The following ABCA13 variants were observed in gnomAD, a reference collection of about 807,000 sequenced individuals.
ABCA13 encodes ATP-binding cassette sub-family A member 13.
ABCA13 carries 476 observed loss-of-function variants against 478.7 expected under a neutral mutation model. The ratio of observed to expected loss-of-function variants is 0.99; its 90% CI spans 0.92 to 1.07. The LOEUF (loss-of-function observed/expected upper bound fraction) is 1.07. Ranked by LOEUF, ABCA13 falls within the 50% of genes least tolerant of loss-of-function variation. The pLI is 0.00. For synonymous variants in ABCA13, 2,252 were observed against 2,158.9 expected (o/e 1.04, Z -1.20); for missense variants, 6,060 against 5,910.6 (o/e 1.03, Z -0.83).
intron 35 of ABCA13, among the ~76,000 whole-genome samples, chr7:48,382,179 G>A (rs1240148247): frequency 6.6e-6 from 1 of 152,142 alleles, no homozygotes; most frequent in Admixed American, 6.5e-5. Context: ...CTTACAGCGA[G>A]TTACAGTGCC....
At chr7:48,360,709 A>G (rs1197210543) in intron 31 of ABCA13, among the ~76,000 whole-genome samples, 6 of 152,054 alleles carry the variant, frequency 3.9e-5, no homozygotes, top group Admixed American at 3.9e-4. Flanking sequence ...CAAACTAGAA[A>G]TCGCAAAGTC....
chr7:48,281,569 C>A, intron 19 of ABCA13, 117 bp downstream of exon 19: 1 of 908,448 alleles, frequency 1.1e-6, no homozygotes, highest in Non-Finnish European at 1.6e-6. Flanking sequence ...GCACAGCTGT[C>A]TTAGTCTGGC....
At chr7:48,458,888 C>G (rs1165610144) in intron 43 of ABCA13, among the ~76,000 whole-genome samples, 1 of 152,140 alleles carries the variant, frequency 6.6e-6, no homozygotes, top group South Asian at 2.1e-4. Flanking sequence ...TGTAAAGATG[C>G]TTGTTTTGTA....
intron 24 of ABCA13, among the ~76,000 whole-genome samples, chr7:48,311,726 C>A (rs1033931315): frequency 6.6e-6 from 1 of 152,130 alleles, no homozygotes; most frequent in African/African-American, 2.4e-5. Context: ...ATGAAGGGCT[C>A]TATGAAAGTT....
chr7:48,472,813 C>T (rs746724258), intron 45 of ABCA13, among the ~76,000 whole-genome samples: 11 of 152,132 alleles, frequency 7.2e-5, no homozygotes, highest in Non-Finnish European at 1.2e-4. Context: ...ACATGCAGGT[C>T]CTTAGCCTAA....
intron 7 of ABCA13, among the ~76,000 whole-genome samples, chr7:48,231,629 T>C (rs1789091531): frequency 6.6e-6 from 1 of 152,004 alleles, no homozygotes; most frequent in African/African-American, 2.4e-5. Flanking sequence ...CATCAGCCAC[T>C]TTCTCCTGAG....
chr7:48,505,035 A>T (rs1327170690), intron 48 of ABCA13, among the ~76,000 whole-genome samples: 1 of 152,182 alleles, frequency 6.6e-6, no homozygotes, highest in African/African-American at 2.4e-5. Flanking sequence ...AGGATCCAGG[A>T]AGCGATGCAG....
intron 19 of ABCA13, among the ~76,000 whole-genome samples, chr7:48,286,335 C>G (rs1014092714): frequency 1.3e-5 from 2 of 152,174 alleles, no homozygotes; most frequent in African/African-American, 4.8e-5. Context: ...CCATTCATCT[C>G]TCCCACCCCT....
chr7:48,324,887 T>C lies in ABCA13; in HGVS notation c.9999+7591T>C, dbSNP rs1203812606. On this transcript the variant is annotated intron_variant, in intron 27 of 61. Transcript: ENST00000435803. The stretch of plus-strand genomic sequence containing the variant: ...CAGTGTTTGCTTGTAAAAAGCTTGT[T>C]AAGCTGCATTTATGTATGAAGATTT... Among the ~76,000 whole-genome samples the C allele has an allele frequency of 2.0e-5, 3 of 152,238 alleles. No individual in the cohort carries two copies. The East Asian group carries it at 5.8e-4, about 29-fold the overall frequency.
chr7:48,390,608 C>T (rs913585621), intron 37 of ABCA13, among the ~76,000 whole-genome samples: 3 of 152,210 alleles, frequency 2.0e-5, no homozygotes, highest in African/African-American at 4.8e-5. Context: ...GTTTCCTGTG[C>T]TCTCCTTTGA....
chr7:48,528,246 T>C lies in ABCA13; in HGVS notation c.14255T>C (p.Leu4752Pro), dbSNP rs1316292701. 1 of 1,573,808 alleles carries C rather than the reference T, an allele frequency of 6.4e-7. No homozygotes were observed. The highest frequency in any genetic ancestry group is 1.3e-5 in the African/African-American group (1 of 74,290). The stretch of plus-strand genomic sequence containing the variant: ...TTTGTTTCCTCTTAGTGCTTTGGAC[T>C]TCTAGGGGTGAATGGAGCTGGGAAG... ...LGIPKGECFG[L>P]LGVNGAGKST... The change falls in exon 55 of 62, where the codon CTT becomes CCT. Residue 4752 changes from leucine (L) to proline (P), a missense_variant. Physicochemically the swap from Leu to Pro is moderately conservative, Grantham distance 98. This residue lies in a region of ABCA13 where 1,627 missense variants were observed against 1,571.0 expected (regional missense o/e 1.04). Coordinates refer to ENST00000435803, the MANE Select transcript of ABCA13 (RefSeq NM_152701.5).
Position 48,309,965 on chromosome 7 carries a change from A to G in ABCA13, c.9340A>G (p.Thr3114Ala). 1 of 1,613,874 alleles carries G rather than the reference A, an allele frequency of 6.2e-7. No individual in the cohort carries two copies. The highest frequency in any genetic ancestry group is 8.5e-7 in the Non-Finnish European group (1 of 1,179,790). The change falls in exon 24 of 62, where the codon ACC becomes GCC. Residue 3114 changes from threonine (T) to alanine (A), a missense_variant. By Grantham distance (58) the Thr-to-Ala change is moderately conservative. Transcript: ENST00000435803. ...SHSKVLFSAL[T>A]VALSGKCDQE... ...GAAACAGGTTCTCTTCAGTGCCCTC[A>G]CCGTAGCTCTGTCTGGAAAGTGTGA...
chr7:48,582,272 G>C (rs1279482254), intron 56 of ABCA13, among the ~76,000 whole-genome samples: 2 of 152,176 alleles, frequency 1.3e-5, no homozygotes, highest in Admixed American at 6.5e-5. Context: ...TATTCAGGCT[G>C]TTAGTTGTAT....
chr7:48,583,569 A>G (rs1399512085), intron 56 of ABCA13, among the ~76,000 whole-genome samples: 3 of 152,196 alleles, frequency 2.0e-5, no homozygotes, highest in Non-Finnish European at 4.4e-5. Flanking sequence ...ATCCCAGTGC[A>G]TATCCCATTG....
intron 3 of ABCA13, among the ~76,000 whole-genome samples, chr7:48,205,804 G>A (rs2128930743): frequency 6.6e-6 from 1 of 152,178 alleles, no homozygotes; most frequent in African/African-American, 2.4e-5. Flanking sequence ...ATTGCAAATA[G>A]TATTTTTTAA....
chr7:48,329,875 A>C (rs1804958470), intron 27 of ABCA13, among the ~76,000 whole-genome samples: 1 of 142,754 alleles, frequency 7.0e-6, no homozygotes, highest in Non-Finnish European at 1.6e-5. Context: ...TTGTCTCTTC[A>C]TTCATCTATC....
At chr7:48,286,064 C>T (rs73697123) in intron 19 of ABCA13, among the ~76,000 whole-genome samples, 11,768 of 152,122 alleles carry the variant, frequency 0.077, 774 homozygotes, top group African/African-American at 0.16. Context: ...GTTTTAGATT[C>T]GCAGCAACCT....
intron 1 of ABCA13, 106 bp from the exon 2 acceptor site, chr7:48,192,852 GT>G (rs1391200369): frequency 1.2e-6 from 1 of 844,156 alleles, no homozygotes; most frequent in African/African-American, 1.7e-5. Context: ...CCAAATGACT[GT>G]TCTGAGACAC....
chr7:48,620,607 G>A (rs1015955066), intron 59 of ABCA13, among the ~76,000 whole-genome samples: 3 of 152,180 alleles, frequency 2.0e-5, no homozygotes, highest in Non-Finnish European at 4.4e-5. Flanking sequence ...GAGAACCACT[G>A]TCTCAGCTGT....
Sources: allele counts gnomAD v4.1 joint callset (sites outside exome capture counted in the v4.1 genomes callset), GRCh38; gene constraint gnomAD v4.1.1; regional missense constraint gnomAD v4.1.1; transcripts MANE v1.5; gene names NCBI Gene and HGNC (gene_info 2026-07-23, HGNC 2026-07-21).